The following SPATS2 variants were observed in gnomAD, a reference collection of about 807,000 sequenced individuals.
SPATS2 encodes the protein spermatogenesis associated serine rich 2, also known as spermatogenesis-associated serine-rich protein 2.
In SPATS2, 38 loss-of-function variants were observed where a neutral mutation model predicts 63.7. The observed-to-expected ratio is 0.60, with a 90% CI of 0.46 to 0.78. The LOEUF (loss-of-function observed/expected upper bound fraction) is 0.78, where lower values mean the gene tolerates loss of function less well. Ranked by LOEUF, SPATS2 falls within the 30% of genes least tolerant of loss-of-function variation. SPATS2 has a pLI of 0.00. For synonymous variants in SPATS2, 207 were observed against 232.9 expected (o/e 0.89, Z 1.01); for missense variants, 588 against 666.2 (o/e 0.88, Z 1.29).
chr12:49,401,887 AG>A (rs1395717173), intron 2 of SPATS2, among the ~76,000 whole-genome samples: 1 of 152,106 alleles, frequency 6.6e-6, no homozygotes, highest in Non-Finnish European at 1.5e-5. Context: ...TAGTAGAGAC[AG>A]GGTTTCGCCA....
At chr12:49,524,924 T>C in intron 13 of SPATS2, 28 bp downstream of exon 13, 1 of 1,605,608 alleles carries the variant, frequency 6.2e-7, no homozygotes, top group Non-Finnish European at 8.5e-7. Flanking sequence ...CTGAGCATGT[T>C]AGGAAGAAAA....
intron 2 of SPATS2, among the ~76,000 whole-genome samples, chr12:49,453,879 T>G (rs1355922003): frequency 8.9e-5 from 13 of 145,382 alleles, no homozygotes; most frequent in African/African-American, 3.2e-4. Context: ...TTTTTTTTTT[T>G]TGAGACGGAG....
chr12:49,424,990 T>A (rs923724529), intron 2 of SPATS2, among the ~76,000 whole-genome samples: 1 of 152,172 alleles, frequency 6.6e-6, no homozygotes, highest in Non-Finnish European at 1.5e-5. Flanking sequence ...CCATAGTATT[T>A]TATTTTAGCT....
intron 2 of SPATS2, among the ~76,000 whole-genome samples, chr12:49,403,011 C>T (rs1944633449): frequency 6.6e-6 from 1 of 152,006 alleles, no homozygotes; most frequent in Non-Finnish European, 1.5e-5. Context: ...GGATATGATG[C>T]AAAGATTTCA....
chr12:49,514,938 T>C (rs1030882420), intron 10 of SPATS2, among the ~76,000 whole-genome samples: 10 of 152,244 alleles, frequency 6.6e-5, no homozygotes, highest in Admixed American at 6.5e-4. Context: ...GGATTTTTTC[T>C]ACTTGGAAAA....
At chr12:49,506,312 A>G (rs1946653543) in intron 9 of SPATS2, among the ~76,000 whole-genome samples, 1 of 131,492 alleles carries the variant, frequency 7.6e-6, no homozygotes. Flanking sequence ...TGGGTAATTT[A>G]TCAAGGAAAG....
chr12:49,480,359 T>C (rs980323240), intron 3 of SPATS2, among the ~76,000 whole-genome samples: 1 of 152,232 alleles, frequency 6.6e-6, no homozygotes. Context: ...CCCAAGGTGG[T>C]AGAGCTTTTA....
intron 2 of SPATS2, among the ~76,000 whole-genome samples, chr12:49,408,750 A>G (rs893944822): frequency 6.8e-6 from 1 of 146,888 alleles, no homozygotes; most frequent in Non-Finnish European, 1.5e-5. Flanking sequence ...GAGACGGGGT[A>G]TCGCCATGTT....
chr12:49,385,005 C>T (rs1944287518), intron 2 of SPATS2, among the ~76,000 whole-genome samples: 1 of 152,010 alleles, frequency 6.6e-6, no homozygotes, highest in African/African-American at 2.4e-5. Flanking sequence ...GACGGGGTTT[C>T]TCCATGTCGG....
rs575181439 is a variant in SPATS2, at chr12:49,387,973, C to A, written c.-244+16683C>A. ...GTATTTATTTTTTTTGAGGCAGGGT[C>A]TTGCTATATTATAGCCCAGCCTGGC... On this transcript the variant is annotated intron_variant, in intron 2 of 13. Coordinates refer to ENST00000552918, the MANE Select transcript of SPATS2 (RefSeq NM_023071.4). Among the ~76,000 whole-genome samples the A allele has an allele frequency of 5.9e-5, 9 of 152,234 alleles. 1 individual carries two copies. The South Asian group carries it at 1.7e-3, about 28-fold the overall frequency.
Position 49,489,443 on chromosome 12 carries a change from A to T in SPATS2, c.106-22A>T, listed in dbSNP as rs375979697. 6.1e-5 allele frequency: 97 copies of T among 1,602,916 alleles called. No homozygotes were observed. In the Middle Eastern group the frequency reaches 1.2e-3, roughly 19 times the overall value. ...AGTGACCTACTAATGTTAGAATTAA[A>T]TGACCCTGTCATCTTTTCCAGATAA... is the stretch of plus-strand genomic sequence containing the variant. On this transcript the variant is annotated intron_variant, in intron 4 of 13. Coordinates refer to ENST00000552918, the MANE Select transcript of SPATS2 (RefSeq NM_023071.4).
intron 2 of SPATS2, among the ~76,000 whole-genome samples, chr12:49,459,740 T>TTCCCC (rs1945785887): frequency 6.1e-5 from 2 of 32,646 alleles, no homozygotes; most frequent in African/African-American, 1.6e-4. Context: ...TCATTTCACG[T>TTCCCC]CCCCCCCCCC....
chr12:49,513,193 TAG>T (rs2138033986), intron 9 of SPATS2, among the ~76,000 whole-genome samples: 1 of 150,206 alleles, frequency 6.7e-6, no homozygotes, highest in South Asian at 2.1e-4. Flanking sequence ...TAAATTGAAT[TAG>T]AGCGAGAGAG....
At chr12:49,409,591 A>ATTTTTTTTTTTTTTTTTTT (rs1565707922) in intron 2 of SPATS2, among the ~76,000 whole-genome samples, 1 of 123,316 alleles carries the variant, frequency 8.1e-6, no homozygotes. Flanking sequence ...TGTGCCCAGC[A>ATTTTTTTTTTTTTTTTTTT]ATTTTTTTTT....
chr12:49,409,248 T>C (rs533604219), intron 2 of SPATS2, among the ~76,000 whole-genome samples: 3 of 152,288 alleles, frequency 2.0e-5, no homozygotes, highest in African/African-American at 7.2e-5. Context: ...ATAAATAGTA[T>C]CACCATCATG....
chr12:49,443,281 A>G (rs568253127), intron 2 of SPATS2, among the ~76,000 whole-genome samples: 2 of 152,280 alleles, frequency 1.3e-5, no homozygotes, highest in East Asian at 3.9e-4. Flanking sequence ...GTGGTAGTGT[A>G]TATTCTTTTG....
chr12:49,425,871 G>C (rs997773008), intron 2 of SPATS2, among the ~76,000 whole-genome samples: 2 of 152,058 alleles, frequency 1.3e-5, no homozygotes, highest in Non-Finnish European at 2.9e-5. Context: ...GACCTCAAGC[G>C]ATCTGCCTGC....
At chr12:49,487,902 A>T (rs140354387) in intron 4 of SPATS2, among the ~76,000 whole-genome samples, 2,642 of 152,224 alleles carry the variant, frequency 0.017, 29 homozygotes, top group Non-Finnish European at 0.025. Flanking sequence ...GGTAAAACCC[A>T]TGTGTTATTG....
chr12:49,510,983 C>G (rs1241113630), intron 9 of SPATS2, among the ~76,000 whole-genome samples: 1 of 152,150 alleles, frequency 6.6e-6, no homozygotes, highest in Admixed American at 6.5e-5. Context: ...AGGCAGATCA[C>G]TTGAAGCCAG....
Sources: allele counts gnomAD v4.1 joint callset (sites outside exome capture counted in the v4.1 genomes callset), GRCh38; gene constraint gnomAD v4.1.1; transcripts MANE v1.5; gene names NCBI Gene and HGNC (gene_info 2026-07-23, HGNC 2026-07-21).